VWA3B: variants seen among roughly 807,000 people sequenced by gnomAD.
VWA3B encodes the protein von Willebrand factor A domain containing 3B.
In VWA3B, 138 loss-of-function variants were observed where a neutral mutation model predicts 158.3. That is an observed-to-expected ratio of 0.87 (90% CI 0.76 to 1.00). VWA3B has a LOEUF of 1.00. VWA3B is among the 50% of genes least tolerant of loss of function. The probability of loss-of-function intolerance (pLI) is 0.00; values close to 1 mark genes in which losing one functional copy is unlikely to be tolerated. For missense variants in VWA3B, 1,555 were observed against 1,565.1 expected (o/e 0.99, Z 0.11); for synonymous variants, 596 against 587.3 (o/e 1.01, Z -0.21).
intron 22 of VWA3B, among the ~76,000 whole-genome samples, chr2:98,287,790 C>A (rs773913988): frequency 5.8e-4 from 89 of 152,304 alleles, no homozygotes; most frequent in Non-Finnish European, 1.0e-3. Flanking sequence ...AAATTATCTG[C>A]AACAGGAAAA....
intron 22 of VWA3B, among the ~76,000 whole-genome samples, chr2:98,286,576 T>G (rs977790685): frequency 6.6e-6 from 1 of 152,184 alleles, no homozygotes; most frequent in East Asian, 1.9e-4. Context: ...TTGTTATCTT[T>G]TGTTCTATTA....
intron 7 of VWA3B, among the ~76,000 whole-genome samples, chr2:98,141,816 C>CTT (rs1676797531): frequency 6.6e-6 from 1 of 152,188 alleles, no homozygotes; most frequent in Non-Finnish European, 1.5e-5. Context: ...GGAGGCCACA[C>CTT]CCCTCTCTGC....
At chr2:98,253,258 C>T (rs1686916425) in intron 20 of VWA3B, among the ~76,000 whole-genome samples, 2 of 152,038 alleles carry the variant, frequency 1.3e-5, no homozygotes, top group Admixed American at 1.3e-4. Context: ...AGGAGTTTTC[C>T]AACAAAGATA....
At position 98,248,863 on chromosome 2, in the gene VWA3B, C is replaced by CTTTCTTTCTTTCTTTCT. The variant is rs200183139; in HGVS notation, c.2674-1452_2674-1436dup. On this transcript the variant is annotated intron_variant, in intron 19 of 27. Transcript: ENST00000477737. ...TCTTTCTTTCTTTCTTTCTTTCTTT[C>CTTTCTTTCTTTCTTTCT]TTTCTTTCTTTCTTTCTTTCTCTCT... Among the ~76,000 whole-genome samples, 74 of 49,132 alleles carry CTTTCTTTCTTTCTTTCT rather than the reference C, an allele frequency of 1.5e-3. 1 individual carries two copies. The highest frequency in any genetic ancestry group is 7.8e-3 in the African/African-American group (67 of 8,628). 32.2% of individuals were successfully genotyped at this position (49,132 alleles called of 152,430 possible).
At chr2:98,199,272 C>T (rs1343791364) in intron 12 of VWA3B, among the ~76,000 whole-genome samples, 2 of 152,136 alleles carry the variant, frequency 1.3e-5, no homozygotes, top group South Asian at 4.1e-4. Context: ...TGAAGGCTAT[C>T]TGTGTTATTT....
chr2:98,328,946 T>A, the VWA3B span, among the ~76,000 whole-genome samples: 1 of 152,198 alleles, frequency 6.6e-6, no homozygotes, highest in Admixed American at 6.5e-5. Context: ...ACTTTAAAGC[T>A]ACATTAAACA....
chr2:98,158,424 A>C (rs1678280163), intron 7 of VWA3B, among the ~76,000 whole-genome samples: 2 of 152,168 alleles, frequency 1.3e-5, no homozygotes, highest in African/African-American at 2.4e-5. Flanking sequence ...TGTTGTAGGC[A>C]GCTGCCTACT....
intron 26 of VWA3B, among the ~76,000 whole-genome samples, chr2:98,306,245 TAAAG>T (rs2106007555): frequency 6.6e-6 from 1 of 152,130 alleles, no homozygotes; most frequent in African/African-American, 2.4e-5. Context: ...AGGTTTCTGT[TAAAG>T]AAAATTTCCT....
In VWA3B at chr2:98,162,893, TG is replaced by T; in HGVS notation, c.1033del (p.Glu345ArgfsTer55). ...GACGTGTTTCTCGTTTGGCAAGAGA[TG>T]GAGGAAGCCTGCAGCACGCTGGCCC... Reference protein sequence around the residue: ...REDVFLVWQEMEEACSTLAQI... With the variant: ...REDVFLVWQEXEEACSTLAQI... On this transcript the variant is annotated frameshift_variant, in exon 8 of 28. Coordinates refer to ENST00000477737, the MANE Select transcript of VWA3B (RefSeq NM_144992.5). LOFTEE classifies it high-confidence loss of function. 2 of 1,613,956 alleles carry T rather than the reference TG, an allele frequency of 1.2e-6. No homozygotes were observed. The highest frequency in any genetic ancestry group is 1.7e-6 in the Non-Finnish European group (2 of 1,180,032).
intron 22 of VWA3B, among the ~76,000 whole-genome samples, chr2:98,271,957 A>G (rs570185074): frequency 6.6e-6 from 1 of 152,306 alleles, no homozygotes; most frequent in African/African-American, 2.4e-5. Flanking sequence ...TGTGGGAAAA[A>G]CAGTTCTCTC....
chr2:98,129,224 A>AGAGAGAGAGT (rs1370543551), intron 6 of VWA3B, among the ~76,000 whole-genome samples: 100 of 124,644 alleles, frequency 8.0e-4, no homozygotes, highest in African/African-American at 2.9e-3. Flanking sequence ...AGAGAGAGAG[A>AGAGAGAGAGT]GTGTGTGTGT....
chr2:98,187,635 T>TCTCTCC (rs372446893), intron 9 of VWA3B, among the ~76,000 whole-genome samples: 2,981 of 150,122 alleles, frequency 0.02, 111 homozygotes, highest in African/African-American at 0.071. Context: ...TGTCTCTCTC[T>TCTCTCC]CTCTCCCTCT....
intron 8 of VWA3B, among the ~76,000 whole-genome samples, chr2:98,163,433 G>A (rs914235674): frequency 6.6e-6 from 1 of 152,128 alleles, no homozygotes; most frequent in Non-Finnish European, 1.5e-5. Flanking sequence ...AGCTACTCAG[G>A]AGGCTGAGGC....
intron 6 of VWA3B, among the ~76,000 whole-genome samples, chr2:98,129,206 GGA>G (rs150753050): frequency 1.7e-4 from 22 of 128,432 alleles, no homozygotes; most frequent in South Asian, 1.2e-3. Flanking sequence ...GAGAGAGAGA[GGA>G]GAGAGAGAGA....
chr2:98,222,753 A>G (rs572122496), intron 14 of VWA3B, among the ~76,000 whole-genome samples: 1 of 152,362 alleles, frequency 6.6e-6, no homozygotes, highest in African/African-American at 2.4e-5. Flanking sequence ...TTCGCAAAGA[A>G]GACCAAGATA....
At chr2:98,185,956 A>G (rs1485186403) in intron 9 of VWA3B, among the ~76,000 whole-genome samples, 1 of 152,060 alleles carries the variant, frequency 6.6e-6, no homozygotes, top group Non-Finnish European at 1.5e-5. Flanking sequence ...GTCGAGTTGT[A>G]TACGTTTCCT....
intron 16 of VWA3B, among the ~76,000 whole-genome samples, chr2:98,233,643 C>T (rs541321688): frequency 6.8e-4 from 104 of 152,202 alleles, no homozygotes; most frequent in Non-Finnish European, 1.3e-3. Context: ...CAATGATTAC[C>T]GTATAGCACA....
intron 7 of VWA3B, among the ~76,000 whole-genome samples, chr2:98,141,151 G>C (rs539630442): frequency 3.3e-5 from 5 of 152,346 alleles, no homozygotes; most frequent in African/African-American, 7.2e-5. Flanking sequence ...GTTTCATGTG[G>C]TGCTGCTGAA....
intron 19 of VWA3B, among the ~76,000 whole-genome samples, chr2:98,237,798 C>A (rs1685801194): frequency 6.6e-6 from 1 of 152,174 alleles, no homozygotes; most frequent in Non-Finnish European, 1.5e-5. Context: ...CTGTCTCATG[C>A]TGAAATCTTT....
Sources: gnomAD v4.1 joint callset for allele counts (sites outside exome capture counted in the v4.1 genomes callset) on GRCh38, gnomAD v4.1.1 for gene constraint, MANE v1.5 for transcripts, NCBI Gene and HGNC (gene_info 2026-07-23, HGNC 2026-07-21) for gene names.